Variants in GSDME observed in about 807,000 individuals in gnomAD.
The protein encoded by GSDME is gasdermin E.
Under a neutral mutation model 47.5 loss-of-function variants are expected in GSDME, and 44 were observed. The observed-to-expected ratio is 0.93, with a 90% CI of 0.73 to 1.19. The LOEUF is 1.19. Ranked by LOEUF, GSDME falls within the 50% of genes most tolerant of loss-of-function variation. The pLI is 0.00. For synonymous variants in GSDME, 258 were observed against 252.8 expected (o/e 1.02, Z -0.20); for missense variants, 663 against 604.2 (o/e 1.10, Z -1.02).
the GSDME span, among the ~76,000 whole-genome samples, chr7:24,793,779 C>G: frequency 0.086 from 13,031 of 151,348 alleles, 769 homozygotes; most frequent in Non-Finnish European, 0.13. Context: ...TTCTACCCCC[C>G]TTTTCTTTTT....
At chr7:24,722,881 C>G (rs191153779) in intron 3 of GSDME, among the ~76,000 whole-genome samples, 1 of 152,198 alleles carries the variant, frequency 6.6e-6, no homozygotes, top group African/African-American at 2.4e-5. Context: ...TGAGTCGCTG[C>G]CTTCAAAAGG....
the GSDME span, among the ~76,000 whole-genome samples, chr7:24,766,933 G>T: frequency 6.6e-6 from 1 of 152,252 alleles, no homozygotes; most frequent in East Asian, 1.9e-4. This position sits in a 1 kb window ranked among gnomAD's most constrained non-coding sequence, Gnocchi z 4.2. Context: ...GTGTAAAAGC[G>T]TTCCTATTTC....
rs1225619556 is a variant in GSDME, at chr7:24,745,169, C to T, written c.212-415G>A. On this transcript the variant is annotated intron_variant, in intron 2 of 9. Transcript: ENST00000645220. The surrounding 1 kb of genome is among the most constrained non-coding windows in gnomAD (Gnocchi z 4.4). ...AATAAAGTTAGCGCCTGTTTAACCA[C>T]TATCCAGGTGGATCAATAGACCATT... Among the ~76,000 whole-genome samples the T allele has an allele frequency of 6.6e-6, 1 of 152,190 alleles. No homozygotes were observed. Among genetic ancestry groups the T allele is most frequent in the Non-Finnish European group, 1.5e-5 (1 of 68,022 alleles).
chr7:24,783,576 GAGA>G, the GSDME span, among the ~76,000 whole-genome samples: 1 of 152,204 alleles, frequency 6.6e-6, no homozygotes, highest in African/African-American at 2.4e-5. Context: ...GTTTGGAGCA[GAGA>G]AGGTTTACAA....
At chr7:24,778,286 G>C in the GSDME span, among the ~76,000 whole-genome samples, 285 of 152,060 alleles carry the variant, frequency 1.9e-3, no homozygotes, top group African/African-American at 6.4e-3. This position sits in a 1 kb window ranked among gnomAD's most constrained non-coding sequence, Gnocchi z 5.6. Flanking sequence ...CCCAGACATG[G>C]ATAGACCAGA....
At chr7:24,772,119 G>A in the GSDME span, among the ~76,000 whole-genome samples, 1 of 152,166 alleles carries the variant, frequency 6.6e-6, no homozygotes, top group Non-Finnish European at 1.5e-5. The surrounding 1 kb of genome is among the most constrained non-coding windows in gnomAD (Gnocchi z 4.5). Flanking sequence ...CCAAGTCCTT[G>A]CATCCTCTGG....
chr7:24,775,698 A>G, the GSDME span, among the ~76,000 whole-genome samples: 6 of 151,968 alleles, frequency 3.9e-5, no homozygotes, highest in Middle Eastern at 3.4e-3. Context: ...AACATGGTGA[A>G]ACCCCGTCTA....
chr7:24,701,480 CAGTT>C (rs144379890), intron 9 of GSDME, among the ~76,000 whole-genome samples: 7,141 of 152,240 alleles, frequency 0.047, 177 homozygotes, highest in Non-Finnish European at 0.057. Context: ...GGTTAGATAA[CAGTT>C]AGATAACATG....
chr7:24,757,814 G>C (rs1791093096), upstream of GSDME: 1 of 152,328 alleles, frequency 6.6e-6, no homozygotes, highest in Non-Finnish European at 1.5e-5. The surrounding 1 kb of genome is among the most constrained non-coding windows in gnomAD (Gnocchi z 5.9). Context: ...GCGCCTCCTC[G>C]CGGGGCCGAA....
chr7:24,790,896 A>T, the GSDME span, among the ~76,000 whole-genome samples: 1 of 152,174 alleles, frequency 6.6e-6, no homozygotes, highest in African/African-American at 2.4e-5. The surrounding 1 kb of genome is among the most constrained non-coding windows in gnomAD (Gnocchi z 4.1). Context: ...ATACACTGGG[A>T]ACAATCCTTA....
At chr7:24,700,542 A>G (rs1052613491) in intron 9 of GSDME, among the ~76,000 whole-genome samples, 7 of 152,228 alleles carry the variant, frequency 4.6e-5, no homozygotes, top group Admixed American at 2.0e-4. Flanking sequence ...AAATTTCCTG[A>G]GCAGTGGTGA....
At chr7:24,699,360 T>TTG in intron 9 of GSDME, 101 bp from the exon 10 acceptor site, 1 of 824,994 alleles carries the variant, frequency 1.2e-6, no homozygotes, top group South Asian at 1.4e-5. Flanking sequence ...AAAAACTTTT[T>TTG]GAGATGGAGT....
At chr7:24,764,822 A>G in the GSDME span, among the ~76,000 whole-genome samples, 4 of 152,252 alleles carry the variant, frequency 2.6e-5, no homozygotes, top group Non-Finnish European at 5.9e-5. This position sits in a 1 kb window ranked among gnomAD's most constrained non-coding sequence, Gnocchi z 4.4. Flanking sequence ...TACTTGATAA[A>G]TGGTAGCTAT....
chr7:24,737,734 T>C (rs1224896637), intron 3 of GSDME, among the ~76,000 whole-genome samples: 1 of 151,586 alleles, frequency 6.6e-6, no homozygotes, highest in Non-Finnish European at 1.5e-5. Context: ...GCAAAAATCC[T>C]CAACAAAATA....
chr7:24,729,268 G>C (rs1265673217), intron 3 of GSDME, among the ~76,000 whole-genome samples: 1 of 152,226 alleles, frequency 6.6e-6, no homozygotes, highest in African/African-American at 2.4e-5. Flanking sequence ...AGTTGGATCG[G>C]AAAAATCATG....
At position 24,705,705 on chromosome 7, in the gene GSDME, T is replaced by C. The variant is rs530266947; in HGVS notation, c.1183+479A>G. 44 of 266,108 alleles carry C rather than the reference T, an allele frequency of 1.7e-4. No homozygotes were observed. Among genetic ancestry groups the C allele is most frequent in the Non-Finnish European group, 3.1e-4 (42 of 136,110 alleles). The allele number at this position is 266,108 out of a possible 1,614,324, so 16.5% of individuals were successfully genotyped here. On this transcript the variant is annotated intron_variant, in intron 8 of 9. Transcript: ENST00000645220. The surrounding 1 kb of genome is among the most constrained non-coding windows in gnomAD (Gnocchi z 4.1). The stretch of plus-strand genomic sequence containing the variant: ...CCAGCCACAGCTCTGCCTCCCAGCC[T>C]AGTACATTGGATGGTTGAATGCTCT...
chr7:24,770,071 A>G, the GSDME span, among the ~76,000 whole-genome samples: 2 of 152,352 alleles, frequency 1.3e-5, no homozygotes, highest in South Asian at 4.2e-4. This position sits in a 1 kb window ranked among gnomAD's most constrained non-coding sequence, Gnocchi z 4.6. Context: ...TTGTCCCAGA[A>G]AGACCAAACC....
the GSDME span, among the ~76,000 whole-genome samples, chr7:24,776,509 C>A: frequency 6.6e-6 from 1 of 152,174 alleles, no homozygotes; most frequent in Non-Finnish European, 1.5e-5. Context: ...ACCCAGCTCC[C>A]CACTCCCAAC....
the GSDME span, among the ~76,000 whole-genome samples, chr7:24,780,477 G>A: frequency 1.3e-5 from 2 of 152,108 alleles, no homozygotes; most frequent in Admixed American, 1.3e-4. The surrounding 1 kb of genome is among the most constrained non-coding windows in gnomAD (Gnocchi z 4.1). Flanking sequence ...AAGGATTTGA[G>A]CTGTTTTCTG....
Sources: allele counts gnomAD v4.1 joint callset (sites outside exome capture counted in the v4.1 genomes callset), GRCh38; gene constraint gnomAD v4.1.1; non-coding constraint Gnocchi (gnomAD v3.1); transcripts MANE v1.5; gene names NCBI Gene and HGNC (gene_info 2026-07-23, HGNC 2026-07-21).